The following TPRG1 variants were observed in gnomAD, a reference collection of about 807,000 sequenced individuals.
The protein encoded by TPRG1 is tumor protein p63 regulated 1.
A neutral mutation model predicts 29.3 loss-of-function variants in TPRG1; 29 were observed. The observed-to-expected ratio is 0.99, with a 90% CI of 0.74 to 1.35. The LOEUF (loss-of-function observed/expected upper bound fraction) is 1.35, where lower values mean the gene tolerates loss of function less well. Ranked by LOEUF, TPRG1 falls within the 40% of genes most tolerant of loss-of-function variation. The pLI, the probability that TPRG1 is intolerant of heterozygous loss-of-function variation, is 0.00. For synonymous variants in TPRG1, 130 were observed against 116.8 expected, an observed-to-expected ratio of 1.11 and a Z score of -0.73; for missense variants, 327 against 335.0, an observed-to-expected ratio of 0.98 and a Z score of 0.19.
At chr3:189,190,023 G>T (rs553615470) in intron 1 of TPRG1, among the ~76,000 whole-genome samples, 1 of 152,214 alleles carries the variant, frequency 6.6e-6, no homozygotes, top group East Asian at 1.9e-4. Context: ...TAGTTAACAG[G>T]GAATACATTT....
upstream of TPRG1, among the ~76,000 whole-genome samples, chr3:189,170,006 T>C (rs1728621049): frequency 6.6e-6 from 1 of 152,190 alleles, no homozygotes; most frequent in Non-Finnish European, 1.5e-5. Context: ...AACCTAACGA[T>C]AATTAGATGG....
chr3:189,049,791 TGA>T (rs908644765), intron 4 of TPRG1, among the ~76,000 whole-genome samples: 68 of 152,202 alleles, frequency 4.5e-4, no homozygotes, highest in African/African-American at 1.5e-3. Context: ...TATCCATGAC[TGA>T]GAGACCCATA....
intron 4 of TPRG1, among the ~76,000 whole-genome samples, chr3:189,291,112 A>T (rs1718936738): frequency 6.6e-6 from 1 of 152,080 alleles, no homozygotes; most frequent in Non-Finnish European, 1.5e-5. Context: ...CATGTTAGCC[A>T]GGATGGTCTC....
intron 2 of TPRG1, among the ~76,000 whole-genome samples, chr3:189,001,761 A>T (rs1353359179): frequency 6.6e-6 from 1 of 152,048 alleles, no homozygotes; most frequent in Non-Finnish European, 1.5e-5. Flanking sequence ...AGTGAGTTTC[A>T]AGTCATGGAA....
In TPRG1 at chr3:189,276,040, C is replaced by G. The variant is rs147626925; in HGVS notation, c.480-34346C>G. On this transcript the variant is annotated intron_variant, in intron 4 of 5. Transcript: ENST00000345063. The stretch of plus-strand genomic sequence containing the variant: ...TAAGCATTGGTTGGTTAAGGGCTTT[C>G]TAGATGCAAAAAAAATGAGAAGTGC... 7.2e-5 allele frequency among the ~76,000 whole-genome samples: 11 copies of G among 151,918 alleles called. No homozygotes were observed. The East Asian group carries it at 2.1e-3, about 29-fold the overall frequency.
intron 1 of TPRG1, chr3:189,121,911 A>G (rs142865096): frequency 6.6e-6 from 1 of 152,296 alleles, no homozygotes; most frequent in East Asian, 1.9e-4. Flanking sequence ...TTGGCCTTAT[A>G]TCATGCAGGA....
intron 4 of TPRG1, among the ~76,000 whole-genome samples, chr3:189,051,167 A>G (rs1019730271): frequency 1.1e-4 from 16 of 152,170 alleles, no homozygotes; most frequent in African/African-American, 3.6e-4. Context: ...GACGATATTT[A>G]TCATTTACCT....
rs1342832129 is a variant in TPRG1 at position 189,324,016 on chromosome 3, A to G, written c.*3196A>G. The stretch of plus-strand genomic sequence containing the variant: ...TTTAACACAACAGGAGGACTTTTAA[A>G]CAATCACCAGGACTCACTCCTCGGT... On this transcript the variant is annotated 3_prime_UTR_variant, in exon 6 of 6. Transcript: ENST00000345063. The G allele has an allele frequency of 6.6e-6, 1 of 152,084 alleles. No homozygotes were observed. The highest frequency in any genetic ancestry group is 1.5e-5 in the Non-Finnish European group (1 of 68,022). The allele number at this position is 152,084 out of a possible 1,614,324, so 9.4% of individuals were successfully genotyped here.
At chr3:189,058,203 G>A (rs1018631892) in intron 4 of TPRG1, among the ~76,000 whole-genome samples, 4 of 152,084 alleles carry the variant, frequency 2.6e-5, no homozygotes, top group Admixed American at 2.6e-4. Context: ...CTTAGGAAGA[G>A]CGAGGTCCCA....
intron 3 of TPRG1, among the ~76,000 whole-genome samples, chr3:189,218,301 A>G (rs1736397564): frequency 6.6e-6 from 1 of 151,764 alleles, no homozygotes; most frequent in Non-Finnish European, 1.5e-5. Flanking sequence ...TTTTTTTAGT[A>G]GAGATAGGAT....
rs56318082 is a variant in TPRG1 at position 189,134,403 on chromosome 3, CTTTTT to C, written c.-291+1729_-291+1733del. ...CCTAGGAATAAGCAGTGGGGGTATC[CTTTTT>C]TTTTTTTTTTTTTTTTTTTTTTGAG... is the stretch of plus-strand genomic sequence containing the variant. On this transcript the variant is annotated intron_variant, in intron 3 of 6. Coordinates refer to the TPRG1 transcript ENST00000412373. Among the ~76,000 whole-genome samples the C allele has an allele frequency of 3.9e-3, 478 of 121,096 alleles. 2 individuals are homozygous for C. The highest frequency in any genetic ancestry group is 0.012 in the African/African-American group (373 of 30,588). 79.4% of individuals were successfully genotyped at this position (121,096 alleles called of 152,430 possible).
chr3:189,172,120 C>T lies in TPRG1; in HGVS notation c.-21C>T, dbSNP rs1578653949. The T allele has an allele frequency of 6.6e-6, 1 of 152,326 alleles. No individual in the cohort carries two copies. Among genetic ancestry groups the T allele is most frequent in the Non-Finnish European group, 1.5e-5 (1 of 68,078 alleles). 9.4% of individuals were successfully genotyped at this position (152,326 alleles called of 1,614,324 possible). ...AAAGAGAAAGAAGAGCCTTGAGGAC[C>T]AGCCTAGTCAGGTAAGATCAAGTGG... On this transcript the variant is annotated 5_prime_UTR_variant, in exon 1 of 6. Transcript: ENST00000345063.
chr3:189,033,903 ATAGAG>A, intron 4 of TPRG1, among the ~76,000 whole-genome samples: 1 of 152,328 alleles, frequency 6.6e-6, no homozygotes, highest in South Asian at 2.1e-4. Flanking sequence ...GAAAAAAGGT[ATAGAG>A]TAATTTATGC....
At chr3:189,124,240 T>A (rs1722163801) in intron 1 of TPRG1, among the ~76,000 whole-genome samples, 1 of 152,010 alleles carries the variant, frequency 6.6e-6, no homozygotes, top group Non-Finnish European at 1.5e-5. Flanking sequence ...GGAGCCTCAG[T>A]CTAACGGAAG....
At chr3:189,237,009 GGATGATGT>G (rs953415722) in intron 3 of TPRG1, among the ~76,000 whole-genome samples, 2 of 152,132 alleles carry the variant, frequency 1.3e-5, no homozygotes, top group Non-Finnish European at 2.9e-5. Flanking sequence ...CTCCCCAAAT[GGATGATGT>G]GAGTACTAGT....
intron 4 of TPRG1, among the ~76,000 whole-genome samples, chr3:189,047,992 C>A (rs1265330058): frequency 6.6e-6 from 1 of 152,192 alleles, no homozygotes. Context: ...GGTATTTTGA[C>A]TTCTTCCCAT....
At chr3:189,274,935 A>AGTGTGT (rs57386934) in intron 4 of TPRG1, among the ~76,000 whole-genome samples, 3,055 of 137,684 alleles carry the variant, frequency 0.022, 75 homozygotes, top group African/African-American at 0.051. Flanking sequence ...TAATGTAATG[A>AGTGTGT]GTGTGTGTGT....
At chr3:189,167,644 C>T (rs957087191), upstream of TPRG1, among the ~76,000 whole-genome samples, 8 of 152,122 alleles carry the variant, frequency 5.3e-5, no homozygotes, top group East Asian at 1.9e-4. Flanking sequence ...TGTAACTGCA[C>T]GAGTTGCATG....
intron 4 of TPRG1, among the ~76,000 whole-genome samples, chr3:189,256,435 G>A (rs1423900603): frequency 3.3e-5 from 5 of 152,044 alleles, no homozygotes; most frequent in Non-Finnish European, 5.9e-5. Flanking sequence ...CTATGTGGTC[G>A]ATTTTAGAAT....
Sources: gnomAD v4.1 joint callset for allele counts (sites outside exome capture counted in the v4.1 genomes callset) on GRCh38, gnomAD v4.1.1 for gene constraint, MANE v1.5 for transcripts, NCBI Gene and HGNC (gene_info 2026-07-23, HGNC 2026-07-21) for gene names.